The following LRFN5 variants were observed in gnomAD, a reference collection of about 807,000 sequenced individuals.
LRFN5 encodes leucine-rich repeat and fibronectin type-III domain-containing protein 5.
In LRFN5, 24 loss-of-function variants were observed where a neutral mutation model predicts 45.6. The observed-to-expected ratio is 0.53, with a 90% CI of 0.38 to 0.74. The LOEUF is 0.74. Among genes scored for constraint, LRFN5 ranks in the 30% least tolerant of loss-of-function variants. The pLI is 0.00. For missense variants in LRFN5, 776 were observed against 861.5 expected (o/e 0.90, Z 1.24); for synonymous variants, 340 against 313.8 (o/e 1.08, Z -0.88).
intron 2 of LRFN5, among the ~76,000 whole-genome samples, chr14:41,860,459 C>T (rs571571862): frequency 6.6e-5 from 10 of 152,012 alleles, no homozygotes; most frequent in South Asian, 6.2e-4. Flanking sequence ...TTTTAATATA[C>T]GTCAGTTCAT....
intron 2 of LRFN5, among the ~76,000 whole-genome samples, chr14:41,781,662 A>AG (rs1479314316): frequency 2.7e-5 from 4 of 150,618 alleles, no homozygotes; most frequent in Non-Finnish European, 4.4e-5. Context: ...AGAAAGAAAG[A>AG]AAGGAAAGAA....
At chr14:41,713,520 A>C (rs1011575618) in intron 1 of LRFN5, among the ~76,000 whole-genome samples, 6 of 152,116 alleles carry the variant, frequency 3.9e-5, no homozygotes, top group Non-Finnish European at 8.8e-5. Flanking sequence ...AAAAAAATCT[A>C]TATACAATCT....
intron 4 of LRFN5, chr14:41,893,676 A>G (rs1327715403): frequency 1.0e-6 from 1 of 985,206 alleles, no homozygotes; most frequent in African/African-American, 1.7e-5. Flanking sequence ...ACATCTTCTG[A>G]TACACAATGT....
chr14:41,774,921 G>C (rs12895852), intron 2 of LRFN5, among the ~76,000 whole-genome samples: 1 of 151,664 alleles, frequency 6.6e-6, no homozygotes, highest in African/African-American at 2.4e-5. Context: ...GATCTTGCAG[G>C]GGGGTAGCTT....
At chr14:41,823,369 T>C (rs988473550) in intron 2 of LRFN5, among the ~76,000 whole-genome samples, 2 of 152,072 alleles carry the variant, frequency 1.3e-5, no homozygotes, top group African/African-American at 4.8e-5. Context: ...TTTGGAAGAC[T>C]ATTTATCCTC....
chr14:41,641,436 T>A (rs1190520229), intron 1 of LRFN5, among the ~76,000 whole-genome samples: 1 of 152,104 alleles, frequency 6.6e-6, no homozygotes, highest in Non-Finnish European at 1.5e-5. Flanking sequence ...TTTTGGTTAA[T>A]TTAAGTTTCA....
At chr14:41,699,482 G>A (rs1248931183) in intron 1 of LRFN5, 2 of 152,066 alleles carry the variant, frequency 1.3e-5, no homozygotes, top group Non-Finnish European at 2.9e-5. Context: ...GGAGTTTTGG[G>A]GGAGGAATTC....
intron 2 of LRFN5, among the ~76,000 whole-genome samples, chr14:41,787,767 A>G (rs1472913863): frequency 1.3e-5 from 2 of 150,604 alleles, no homozygotes; most frequent in East Asian, 3.9e-4. Flanking sequence ...ATTAGTTTAT[A>G]TTTTATTTTT....
chr14:41,800,401 G>T (rs1381594141), intron 2 of LRFN5, among the ~76,000 whole-genome samples: 1 of 151,772 alleles, frequency 6.6e-6, no homozygotes, highest in Non-Finnish European at 1.5e-5. Context: ...ACTAAAATTG[G>T]TAAAAGTGAG....
At chr14:41,657,942 CCT>C (rs1005838641) in intron 1 of LRFN5, among the ~76,000 whole-genome samples, 3 of 150,692 alleles carry the variant, frequency 2.0e-5, no homozygotes, top group African/African-American at 7.3e-5. Context: ...AAAAAAAAAA[CCT>C]CTGACCTATG....
chr14:41,751,271 T>A (rs934330164), intron 1 of LRFN5, among the ~76,000 whole-genome samples: 1 of 152,130 alleles, frequency 6.6e-6, no homozygotes, highest in Non-Finnish European at 1.5e-5. Flanking sequence ...ATTATGCTCT[T>A]GTTAATAAAG....
chr14:41,896,298 TTGG>T (rs59751846), intron 4 of LRFN5, among the ~76,000 whole-genome samples: 1,756 of 152,284 alleles, frequency 0.012, 31 homozygotes, highest in African/African-American at 0.041. Flanking sequence ...TGATTTCCAA[TTGG>T]ATTTTATCAT....
intron 2 of LRFN5, among the ~76,000 whole-genome samples, chr14:41,884,160 T>C (rs2139145127): frequency 6.6e-6 from 1 of 152,352 alleles, no homozygotes; most frequent in South Asian, 2.1e-4. Context: ...TTTGCCTTGT[T>C]TCCCCTTCTT....
chr14:41,630,603 T>A (rs144546260), intron 1 of LRFN5, among the ~76,000 whole-genome samples: 37 of 152,224 alleles, frequency 2.4e-4, no homozygotes, highest in African/African-American at 8.7e-4. Context: ...AAACATTGAG[T>A]AGAATTTCAT....
intron 1 of LRFN5, among the ~76,000 whole-genome samples, chr14:41,761,531 A>T (rs1291555731): frequency 5.3e-5 from 8 of 152,158 alleles, no homozygotes; most frequent in African/African-American, 1.9e-4. Flanking sequence ...AAGAGCGACA[A>T]TAATGTTGTA....
At chr14:41,675,848 C>CACCT (rs1313562388) in intron 1 of LRFN5, among the ~76,000 whole-genome samples, 17 of 152,246 alleles carry the variant, frequency 1.1e-4, no homozygotes, top group Admixed American at 1.0e-3. Flanking sequence ...AAATGATAAT[C>CACCT]ACCTAAAGCC....
chr14:41,878,681 T>A (rs1306863794), intron 2 of LRFN5, among the ~76,000 whole-genome samples: 1 of 152,130 alleles, frequency 6.6e-6, no homozygotes, highest in Admixed American at 6.5e-5. Flanking sequence ...AACAAAAACC[T>A]GTCTGTGTTG....
chr14:41,897,199 G>C (rs1170329763), intron 4 of LRFN5, among the ~76,000 whole-genome samples: 1 of 151,718 alleles, frequency 6.6e-6, no homozygotes, highest in East Asian at 1.9e-4. Context: ...GTGTTATCTT[G>C]AAGAGGGATA....
At position 41,888,018 on chromosome 14, in the gene LRFN5, A is replaced by C. The variant is rs1232832187; in HGVS notation, c.1385+8A>C. On this transcript the variant is annotated splice_region_variant and intron_variant, in intron 3 of 5. Coordinates refer to ENST00000298119, the MANE Select transcript of LRFN5 (RefSeq NM_152447.5). ...TGACACCCTTGTTTACAGGTAAGAAAAATTGAGCAAATTTGTATACTTACC... is the reference window on the plus strand; with the variant it reads ...TGACACCCTTGTTTACAGGTAAGAACAATTGAGCAAATTTGTATACTTACC... 2 of 1,568,380 alleles carry C rather than the reference A, an allele frequency of 1.3e-6. No homozygotes were observed. The highest frequency in any genetic ancestry group is 1.7e-6 in the Non-Finnish European group (2 of 1,157,822).
Sources: gnomAD v4.1 joint callset for allele counts (sites outside exome capture counted in the v4.1 genomes callset) on GRCh38, gnomAD v4.1.1 for gene constraint, MANE v1.5 for transcripts, NCBI Gene and HGNC (gene_info 2026-07-23, HGNC 2026-07-21) for gene names.